USP6NL: variants seen among roughly 807,000 people sequenced by gnomAD.
USP6NL encodes the protein USP6 N-terminal-like protein.
Under a neutral mutation model 61.9 loss-of-function variants are expected in USP6NL, and 26 were observed. The observed-to-expected ratio is 0.42, with a 90% CI of 0.31 to 0.58. The LOEUF is 0.58. USP6NL is among the 20% of genes least tolerant of loss of function. The probability of loss-of-function intolerance (pLI) is 0.16; values close to 1 mark genes in which losing one functional copy is unlikely to be tolerated. For synonymous variants in USP6NL, 432 were observed against 390.1 expected, an observed-to-expected ratio of 1.11 and a Z score of -1.27; for missense variants, 1,114 against 1,034.3, an observed-to-expected ratio of 1.08 and a Z score of -1.06.
intron 2 of USP6NL, among the ~76,000 whole-genome samples, chr10:11,541,259 ATATATATATATATATATG>A (rs1836049689): frequency 7.6e-6 from 1 of 130,994 alleles, no homozygotes; most frequent in African/African-American, 2.8e-5. Context: ...ATATATATAT[ATATATATATATATATATG>A]TATGTCACTC....
Position 11,485,903 on chromosome 10 carries a change from C to CA in USP6NL, c.672dup (p.Val225CysfsTer6). On this transcript the variant is annotated frameshift_variant, in exon 11 of 15. Transcript: ENST00000609104. LOFTEE classifies it high-confidence loss of function. This position sits in a 1 kb window ranked among gnomAD's most constrained non-coding sequence, Gnocchi z 4.8. ...CTCAAGAGTTTAGGAAAACCTTGGA[C>CA]AAAAAAGCCTAGAATACAAACATAA... 1.3e-6 allele frequency: 2 copies of CA among 1,544,210 alleles called. No homozygotes were observed. Among genetic ancestry groups the CA allele is most frequent in the Admixed American group, 2.1e-5 (1 of 47,920 alleles).
intron 4 of USP6NL, among the ~76,000 whole-genome samples, chr10:11,522,944 C>G (rs1416701939): frequency 6.6e-6 from 1 of 152,236 alleles, no homozygotes; most frequent in Non-Finnish European, 1.5e-5. Flanking sequence ...ACAACATCGG[C>G]AAGTTACTTG....
At chr10:11,569,905 T>C (rs1335117383) in intron 2 of USP6NL, among the ~76,000 whole-genome samples, 3 of 152,236 alleles carry the variant, frequency 2.0e-5, no homozygotes, top group African/African-American at 7.2e-5. Context: ...CAAACATCTT[T>C]ACACGGATTC....
In USP6NL at chr10:11,474,104, G is replaced by A. The variant is rs1430398783; in HGVS notation, c.1078+7666C>T. The stretch of plus-strand genomic sequence containing the variant: ...CACCCCAAGTTTACCTGGGAAAAAA[G>A]TCTTAATTCCTGAAGATCCAGAACT... On this transcript the variant is annotated intron_variant, in intron 14 of 14. Coordinates refer to ENST00000609104, the MANE Select transcript of USP6NL (RefSeq NM_014688.5). This position sits in a 1 kb window ranked among gnomAD's most constrained non-coding sequence, Gnocchi z 4.9. Among the ~76,000 whole-genome samples, 1 of 152,156 alleles carries A rather than the reference G, an allele frequency of 6.6e-6. No homozygotes were observed. The highest frequency in any genetic ancestry group is 1.5e-5 in the Non-Finnish European group (1 of 68,026).
chr10:11,554,529 C>G (rs1373634703), intron 2 of USP6NL, among the ~76,000 whole-genome samples: 1 of 152,152 alleles, frequency 6.6e-6, no homozygotes, highest in Non-Finnish European at 1.5e-5. Flanking sequence ...GCTCAGGCCC[C>G]TGAATGACTA....
At position 11,491,841 on chromosome 10, in the gene USP6NL, G is replaced by A. The variant is rs1833719841; in HGVS notation, c.495-961C>T. On this transcript the variant is annotated intron_variant, in intron 8 of 14. Coordinates refer to ENST00000609104, the MANE Select transcript of USP6NL (RefSeq NM_014688.5). This position sits in a 1 kb window ranked among gnomAD's most constrained non-coding sequence, Gnocchi z 4.7. Reference sequence around the variant, plus strand: ...AACCACAACCATCTGAGTGCTTGCTGAGGGCAAAGGGAATATGGAATGGGC... The same window carrying A: ...AACCACAACCATCTGAGTGCTTGCTAAGGGCAAAGGGAATATGGAATGGGC... 6.6e-6 allele frequency among the ~76,000 whole-genome samples: 1 copy of A among 152,208 alleles called. No individual in the cohort carries two copies. The highest frequency in any genetic ancestry group is 2.4e-5 in the African/African-American group (1 of 41,452).
chr10:11,581,927 C>G (rs1334156083), intron 2 of USP6NL, among the ~76,000 whole-genome samples: 1 of 152,150 alleles, frequency 6.6e-6, no homozygotes, highest in Non-Finnish European at 1.5e-5. Flanking sequence ...TGCCCACCAC[C>G]ACGCCGGGCT....
chr10:11,560,002 AAGGAGATTAT>A (rs1403681252), intron 2 of USP6NL, among the ~76,000 whole-genome samples: 1 of 152,246 alleles, frequency 6.6e-6, no homozygotes, highest in South Asian at 2.1e-4. Flanking sequence ...GGTCTTCTCT[AAGGAGATTAT>A]AAAAGATTTT....
At chr10:11,473,581 G>C (rs1591819914) in intron 14 of USP6NL, among the ~76,000 whole-genome samples, 1 of 152,194 alleles carries the variant, frequency 6.6e-6, no homozygotes, top group East Asian at 1.9e-4. Flanking sequence ...TGCCTTGAAA[G>C]AGCAGGCCGA....
At chr10:11,606,051 G>A (rs556756944) in intron 1 of USP6NL, among the ~76,000 whole-genome samples, 2 of 152,208 alleles carry the variant, frequency 1.3e-5, no homozygotes, top group East Asian at 3.9e-4. Context: ...GGTGCAAGAG[G>A]GAGAGGAGGA....
chr10:11,606,340 GAAAT>G (rs1381286477), intron 1 of USP6NL, among the ~76,000 whole-genome samples: 4 of 152,162 alleles, frequency 2.6e-5, no homozygotes, highest in African/African-American at 4.8e-5. Flanking sequence ...CCACTCTGAA[GAAAT>G]ACTAAATGGT....
rs963971290 is a variant in USP6NL at position 11,518,414 on chromosome 10, C to G, written c.195+121G>C. On this transcript the variant is annotated intron_variant, in intron 5 of 14. Transcript: ENST00000609104. The surrounding 1 kb of genome is among the most constrained non-coding windows in gnomAD (Gnocchi z 5.3). ...ACAGTGGCATAATGAGGTCCAAAAT[C>G]TAACAATGACTGTACCATTCCCATA... The G allele has an allele frequency of 1.4e-5, 12 of 863,374 alleles. No individual in the cohort carries two copies. The highest frequency in any genetic ancestry group is 2.1e-5 in the Non-Finnish European group (11 of 524,132). The allele number at this position is 863,374 out of a possible 1,614,324, so 53.5% of individuals were successfully genotyped here. A position where few individuals can be genotyped will look rare whatever the true frequency, so the allele number is the denominator to read the frequency against.
rs1459343062 is a variant in USP6NL at position 11,490,825 on chromosome 10, A to T, written c.543+7T>A. On this transcript the variant is annotated splice_region_variant and intron_variant, in intron 9 of 14. Transcript: ENST00000609104. The surrounding 1 kb of genome is among the most constrained non-coding windows in gnomAD (Gnocchi z 4.5). ...CAAAGACCTTGGGCAGGCAGGCCCC[A>T]ACTTACCGTGTTATAAATAGAATAG... 3 of 1,554,428 alleles carry T rather than the reference A, an allele frequency of 1.9e-6. No homozygotes were observed. The highest frequency in any genetic ancestry group is 3.9e-5 in the Admixed American group (2 of 50,816).
At chr10:11,480,232 A>G (rs887143638) in intron 14 of USP6NL, among the ~76,000 whole-genome samples, 1 of 152,212 alleles carries the variant, frequency 6.6e-6, no homozygotes, top group African/African-American at 2.4e-5. Context: ...TAGAGATTAA[A>G]TGAGACGGCA....
chr10:11,597,658 G>T lies in USP6NL; in HGVS notation c.-24C>A. The T allele has an allele frequency of 6.4e-7, 1 of 1,550,728 alleles. No individual in the cohort carries two copies. Among genetic ancestry groups the T allele is most frequent in the Non-Finnish European group, 8.7e-7 (1 of 1,146,136 alleles). On this transcript the variant is annotated 5_prime_UTR_variant, in exon 2 of 15. Coordinates refer to ENST00000609104, the MANE Select transcript of USP6NL (RefSeq NM_014688.5). The surrounding 1 kb of genome is among the most constrained non-coding windows in gnomAD (Gnocchi z 4.6). ...ATGACTGGAAATGGGTCTGAATGTT[G>T]TCCCAATCAGATATTAAACCAAAAT...
intron 2 of USP6NL, among the ~76,000 whole-genome samples, chr10:11,555,389 T>A (rs1431779608): frequency 2.6e-5 from 3 of 115,148 alleles, no homozygotes; most frequent in Non-Finnish European, 1.7e-5. Context: ...CACTCCAGCC[T>A]GGGCAACAAG....
Position 11,518,179 on chromosome 10 carries a change from T to A in USP6NL, c.195+356A>T, listed in dbSNP as rs192278807. On this transcript the variant is annotated intron_variant, in intron 5 of 14. Transcript: ENST00000609104. This position sits in a 1 kb window ranked among gnomAD's most constrained non-coding sequence, Gnocchi z 5.3. ...GGTGCTTTATTTGCCACAGGGTACA[T>A]GAGAATCACTTGTGAAGCCTTTAAA... 9.0e-4 allele frequency among the ~76,000 whole-genome samples: 137 copies of A among 152,226 alleles called. 1 individual carries two copies. Among genetic ancestry groups the A allele is most frequent in the Non-Finnish European group, 1.3e-4 (9 of 68,004 alleles).
intron 2 of USP6NL, among the ~76,000 whole-genome samples, chr10:11,593,648 C>T (rs1471758801): frequency 1.3e-5 from 2 of 152,156 alleles, no homozygotes; most frequent in Non-Finnish European, 2.9e-5. Flanking sequence ...CAGCATCATA[C>T]AGTACGTTTT....
chr10:11,479,655 A>G (rs1354827870), intron 14 of USP6NL, among the ~76,000 whole-genome samples: 1 of 151,542 alleles, frequency 6.6e-6, no homozygotes, highest in Admixed American at 6.6e-5. Context: ...AGCTCACTGA[A>G]AGCTCCACCT....
Sources: gnomAD v4.1 joint callset for allele counts (sites outside exome capture counted in the v4.1 genomes callset) on GRCh38, gnomAD v4.1.1 for gene constraint, Gnocchi (gnomAD v3.1) non-coding constraint, MANE v1.5 for transcripts, NCBI Gene and HGNC (gene_info 2026-07-23, HGNC 2026-07-21) for gene names.